Variants in PHACTR3 observed in about 807,000 individuals in gnomAD.
PHACTR3 encodes phosphatase and actin regulator 3, also known as protein phosphatase 1, regulatory subunit 123.
Under a neutral mutation model 66.8 loss-of-function variants are expected in PHACTR3, and 16 were observed. That is an observed-to-expected ratio of 0.24 (90% CI 0.16 to 0.36). PHACTR3 has a LOEUF of 0.36. Among genes scored for constraint, PHACTR3 ranks in the 10% least tolerant of loss-of-function variants. PHACTR3 has a pLI of 1.00. For synonymous variants in PHACTR3, 323 were observed against 292.1 expected (o/e 1.11, Z -1.08); for missense variants, 647 against 719.9 (o/e 0.90, Z 1.16).
intron 7 of PHACTR3, among the ~76,000 whole-genome samples, chr20:59,797,769 A>C (rs2146972306): frequency 6.6e-6 from 1 of 152,186 alleles, no homozygotes; most frequent in South Asian, 2.1e-4. Context: ...ATTTTGGTAA[A>C]TTACACTGTT....
At chr20:59,679,544 CCACATGTT>C (rs149525268) in intron 1 of PHACTR3, among the ~76,000 whole-genome samples, 4,405 of 152,172 alleles carry the variant, frequency 0.029, 81 homozygotes, top group Middle Eastern at 0.054. Flanking sequence ...TCAAGGTCAC[CCACATGTT>C]CACAGCTGTG....
intron 1 of PHACTR3, among the ~76,000 whole-genome samples, chr20:59,665,319 A>T (rs1199081593): frequency 3.3e-5 from 5 of 152,192 alleles, no homozygotes; most frequent in Non-Finnish European, 7.3e-5. Flanking sequence ...TTCTTGAGAA[A>T]TGATGCAGAA....
chr20:59,593,266 C>T (rs1244412810), intron 1 of PHACTR3, among the ~76,000 whole-genome samples: 1 of 152,210 alleles, frequency 6.6e-6, no homozygotes, highest in Non-Finnish European at 1.5e-5. Flanking sequence ...ATGTTTGGAG[C>T]ATCTTCTCAT....
At chr20:59,642,288 T>C (rs2035130688) in intron 1 of PHACTR3, among the ~76,000 whole-genome samples, 1 of 151,212 alleles carries the variant, frequency 6.6e-6, no homozygotes. Context: ...GCTTGGTTGG[T>C]ATCTGTTCAC....
At chr20:59,752,592 A>AAGTCCTTGCAGAAAACCTGC (rs1555832500) in intron 3 of PHACTR3, among the ~76,000 whole-genome samples, 5 of 152,226 alleles carry the variant, frequency 3.3e-5, no homozygotes, top group Non-Finnish European at 5.9e-5. Flanking sequence ...AACCTGCAAG[A>AAGTCCTTGCAGAAAACCTGC]AAGCAGGGGA....
chr20:59,704,403 A>G (rs2037619901), intron 1 of PHACTR3, among the ~76,000 whole-genome samples: 1 of 152,110 alleles, frequency 6.6e-6, no homozygotes. Context: ...CATCACCAAG[A>G]GAAAGCAACC....
chr20:59,604,899 T>TA lies in PHACTR3; in HGVS notation c.-114dup, dbSNP rs1471062478. 8 of 1,058,104 alleles carry TA rather than the reference T, an allele frequency of 7.6e-6. No homozygotes were observed. The highest frequency in any genetic ancestry group is 7.3e-5 in the African/African-American group (4 of 54,440). 65.5% of individuals were successfully genotyped at this position (1,058,104 alleles called of 1,614,324 possible). Reference sequence around the variant, plus strand: ...GGCCTTTTTTTTTTTTTTTTTTTTTTAATTTTCTTTTTTAAAAAGACGCCC... The same window carrying TA: ...GGCCTTTTTTTTTTTTTTTTTTTTTTAAATTTTCTTTTTTAAAAAGACGCCC... On this transcript the variant is annotated 5_prime_UTR_variant, in exon 1 of 13. Transcript: ENST00000371015.
chr20:59,755,104 T>A, intron 3 of PHACTR3, 78 bp from the exon 4 acceptor site: 2 of 1,450,018 alleles, frequency 1.4e-6, no homozygotes, highest in South Asian at 2.5e-5. Context: ...TGGATACTTC[T>A]CAGAAAGACT....
chr20:59,637,713 C>A (rs1312339513), intron 1 of PHACTR3, among the ~76,000 whole-genome samples: 9 of 136,254 alleles, frequency 6.6e-5, no homozygotes, highest in East Asian at 4.3e-4. Flanking sequence ...AAAAAAAAAA[C>A]CAACAAACAA....
At chr20:59,817,169 T>C (rs1249414476) in intron 8 of PHACTR3, among the ~76,000 whole-genome samples, 1 of 152,236 alleles carries the variant, frequency 6.6e-6, no homozygotes, top group African/African-American at 2.4e-5. Context: ...ATGATTCCAT[T>C]TACTACATTG....
At chr20:59,709,721 T>TAATTTCA (rs1387728933) in intron 1 of PHACTR3, among the ~76,000 whole-genome samples, 1 of 152,174 alleles carries the variant, frequency 6.6e-6, no homozygotes, top group Non-Finnish European at 1.5e-5. Context: ...TTTTCATGCC[T>TAATTTCA]TGAGCCTCCC....
chr20:59,589,281 C>T (rs1417712954), intron 1 of PHACTR3, among the ~76,000 whole-genome samples: 1 of 152,178 alleles, frequency 6.6e-6, no homozygotes, highest in Non-Finnish European at 1.5e-5. Flanking sequence ...ATTTAATTGC[C>T]TAAATAATTG....
At chr20:59,658,611 GTC>G (rs1366615306) in intron 1 of PHACTR3, among the ~76,000 whole-genome samples, 2 of 152,106 alleles carry the variant, frequency 1.3e-5, no homozygotes, top group African/African-American at 4.8e-5. Flanking sequence ...TTTAGCATGT[GTC>G]TCTTTGACTT....
chr20:59,710,631 A>C (rs976925871), intron 1 of PHACTR3, among the ~76,000 whole-genome samples: 1 of 151,878 alleles, frequency 6.6e-6, no homozygotes, highest in African/African-American at 2.4e-5. Flanking sequence ...CCCCTCTGCT[A>C]TTTTAATGAA....
intron 1 of PHACTR3, among the ~76,000 whole-genome samples, chr20:59,722,535 G>A (rs1453757495): frequency 6.6e-6 from 1 of 152,160 alleles, no homozygotes; most frequent in Non-Finnish European, 1.5e-5. Context: ...GGTTTGGATT[G>A]GATCCTTAAT....
At chr20:59,809,199 G>A (rs8126245) in intron 8 of PHACTR3, among the ~76,000 whole-genome samples, 23,910 of 152,062 alleles carry the variant, frequency 0.16, 3,414 homozygotes, top group East Asian at 0.4. Context: ...GGCCGTGAAC[G>A]TAAGCAGGTG....
At chr20:59,648,797 G>A (rs1336464195) in intron 1 of PHACTR3, among the ~76,000 whole-genome samples, 2 of 152,212 alleles carry the variant, frequency 1.3e-5, no homozygotes, top group African/African-American at 4.8e-5. Flanking sequence ...ATGTGAGGTG[G>A]AGTGAATAAG....
chr20:59,799,975 G>T (rs1402654108), intron 7 of PHACTR3, among the ~76,000 whole-genome samples: 3 of 151,988 alleles, frequency 2.0e-5, no homozygotes, highest in Middle Eastern at 3.4e-3. Flanking sequence ...TATTTCCATA[G>T]TTATAATGGT....
chr20:59,696,570 A>C (rs1350571132), intron 1 of PHACTR3, among the ~76,000 whole-genome samples: 1 of 152,034 alleles, frequency 6.6e-6, no homozygotes, highest in African/African-American at 2.4e-5. Flanking sequence ...CTTCACACCT[A>C]AGCAGGGTTT....
Sources: allele counts gnomAD v4.1 joint callset (sites outside exome capture counted in the v4.1 genomes callset), GRCh38; gene constraint gnomAD v4.1.1; transcripts MANE v1.5; gene names NCBI Gene and HGNC (gene_info 2026-07-23, HGNC 2026-07-21).